MEMO1: variants seen among roughly 807,000 people sequenced by gnomAD.
The protein encoded by MEMO1 is mediator of cell motility 1, also known as protein MEMO1.
In MEMO1, 6 loss-of-function variants were observed where a neutral mutation model predicts 45.2. The ratio of observed to expected loss-of-function variants is 0.13; its 90% CI spans 0.07 to 0.26. MEMO1 has a LOEUF of 0.26. Among genes scored for constraint, MEMO1 ranks in the 10% least tolerant of loss-of-function variants. The pLI, the probability that MEMO1 is intolerant of heterozygous loss-of-function variation, is 1.00. For missense variants in MEMO1, 184 were observed against 370.5 expected, an observed-to-expected ratio of 0.50 and a Z score of 4.13; for synonymous variants, 78 against 124.3, an observed-to-expected ratio of 0.63 and a Z score of 2.48.
At chr2:31,879,914 G>C (rs1011440445) in intron 8 of MEMO1, among the ~76,000 whole-genome samples, 1 of 152,050 alleles carries the variant, frequency 6.6e-6, no homozygotes, top group Non-Finnish European at 1.5e-5. Flanking sequence ...CCCTGTATTA[G>C]TGAGTATCAG....
chr2:31,947,867 A>C (rs969121804), intron 2 of MEMO1, among the ~76,000 whole-genome samples: 1 of 152,200 alleles, frequency 6.6e-6, no homozygotes, highest in Non-Finnish European at 1.5e-5. Flanking sequence ...TATTAACAGA[A>C]TCATTCTAAA....
At chr2:31,963,153 A>T in intron 2 of MEMO1, 1 of 1,527,932 alleles carries the variant, frequency 6.5e-7, no homozygotes, top group Non-Finnish European at 8.8e-7. Flanking sequence ...AGGGCTTCAG[A>T]CTCAAAGTGA....
chr2:31,996,323 G>A (rs191955184), intron 2 of MEMO1, among the ~76,000 whole-genome samples: 22 of 152,100 alleles, frequency 1.4e-4, no homozygotes, highest in Non-Finnish European at 2.6e-4. Context: ...CAAGGCGGGC[G>A]GATCACTTGA....
chr2:31,946,731 G>A (rs1266769435), intron 2 of MEMO1, among the ~76,000 whole-genome samples: 1 of 151,970 alleles, frequency 6.6e-6, no homozygotes, highest in Non-Finnish European at 1.5e-5. Flanking sequence ...GGCATGGTGG[G>A]CCACGCCTGC....
At chr2:31,928,469 C>T (rs975305475) in intron 4 of MEMO1, among the ~76,000 whole-genome samples, 1 of 150,570 alleles carries the variant, frequency 6.6e-6, no homozygotes, top group African/African-American at 2.4e-5. Flanking sequence ...ATCACTTGAA[C>T]TCAGGAGGCG....
intron 2 of MEMO1, among the ~76,000 whole-genome samples, chr2:31,974,913 G>A (rs994453125): frequency 2.6e-5 from 4 of 152,132 alleles, no homozygotes; most frequent in Admixed American, 2.6e-4. Context: ...GCTCATGCCT[G>A]TAATCCCTGC....
At chr2:31,932,276 G>A (rs1195254072) in intron 3 of MEMO1, 141 bp from the exon 4 acceptor site, 3 of 625,400 alleles carry the variant, frequency 4.8e-6, no homozygotes, top group African/African-American at 3.7e-5. Context: ...TGTAGTTAAT[G>A]ATGTGACTTC....
At chr2:31,905,300 T>C (rs1014797739) in intron 6 of MEMO1, among the ~76,000 whole-genome samples, 7 of 151,966 alleles carry the variant, frequency 4.6e-5, no homozygotes, top group African/African-American at 9.7e-5. Flanking sequence ...AAGTAGAGGA[T>C]AGGGGAAGAA....
intron 6 of MEMO1, among the ~76,000 whole-genome samples, chr2:31,908,533 C>A (rs138876202): frequency 8.7e-4 from 133 of 152,172 alleles, no homozygotes; most frequent in Middle Eastern, 3.4e-3. Flanking sequence ...GCCCCAAAAA[C>A]TGGAAGTATG....
chr2:31,898,747 G>C (rs1678276386), intron 6 of MEMO1, among the ~76,000 whole-genome samples: 1 of 152,160 alleles, frequency 6.6e-6, no homozygotes, highest in African/African-American at 2.4e-5. Flanking sequence ...CCAGAGCTGA[G>C]TTCAAGTCCT....
At chr2:31,919,949 CGTGTGTGT>C (rs61002743) in intron 5 of MEMO1, among the ~76,000 whole-genome samples, 73 of 145,304 alleles carry the variant, frequency 5.0e-4, no homozygotes, top group Non-Finnish European at 4.7e-4. Flanking sequence ...CACACATACA[CGTGTGTGT>C]GTGTGTGTGT....
intron 2 of MEMO1, among the ~76,000 whole-genome samples, chr2:31,948,703 A>C (rs1233079035): frequency 6.6e-6 from 1 of 152,216 alleles, no homozygotes; most frequent in East Asian, 1.9e-4. Context: ...GATTGAGATC[A>C]GCTTGGCCAA....
chr2:31,876,797 C>A (rs879755170), intron 8 of MEMO1, among the ~76,000 whole-genome samples: 1 of 152,098 alleles, frequency 6.6e-6, no homozygotes, highest in Non-Finnish European at 1.5e-5. Flanking sequence ...TCCTTGACCC[C>A]CCAAGCTCAA....
At chr2:31,893,750 G>A (rs1174191636) in intron 6 of MEMO1, among the ~76,000 whole-genome samples, 1 of 152,094 alleles carries the variant, frequency 6.6e-6, no homozygotes, top group Non-Finnish European at 1.5e-5. Context: ...TATAGGAAAG[G>A]TACTTCGTCA....
intron 6 of MEMO1, among the ~76,000 whole-genome samples, chr2:31,894,333 C>A (rs765811263): frequency 3.9e-5 from 6 of 152,062 alleles, no homozygotes; most frequent in Non-Finnish European, 8.8e-5. Context: ...ACCTTCATTG[C>A]AAAAAGGGGA....
At chr2:31,912,652 G>C (rs1680762819) in intron 6 of MEMO1, among the ~76,000 whole-genome samples, 1 of 151,234 alleles carries the variant, frequency 6.6e-6, no homozygotes, top group Non-Finnish European at 1.5e-5. Flanking sequence ...ACAGAACAAA[G>C]TGTATAAGAT....
chr2:31,938,006 A>G (rs1405631027), intron 3 of MEMO1, among the ~76,000 whole-genome samples: 2 of 152,180 alleles, frequency 1.3e-5, no homozygotes, highest in East Asian at 3.9e-4. Flanking sequence ...ATTTCAATAT[A>G]TATCTCTGCG....
intron 2 of MEMO1, among the ~76,000 whole-genome samples, chr2:31,993,067 G>A (rs1448821148): frequency 2.0e-5 from 3 of 152,268 alleles, no homozygotes; most frequent in African/African-American, 7.2e-5. Flanking sequence ...CAGCTATTCA[G>A]GAGGCAGATG....
intron 2 of MEMO1, among the ~76,000 whole-genome samples, chr2:32,001,314 C>G (rs1673289620): frequency 6.6e-6 from 1 of 152,088 alleles, no homozygotes; most frequent in African/African-American, 2.4e-5. Context: ...GCTGGGATTA[C>G]AGGCTTGAGC....
Sources: allele counts gnomAD v4.1 joint callset (sites outside exome capture counted in the v4.1 genomes callset), GRCh38; gene constraint gnomAD v4.1.1; transcripts MANE v1.5; gene names NCBI Gene and HGNC (gene_info 2026-07-23, HGNC 2026-07-21).